The following TMEM61 variants were observed in gnomAD, a reference collection of about 807,000 sequenced individuals.
TMEM61 encodes the protein transmembrane protein 61.
Under a neutral mutation model 12.0 loss-of-function variants are expected in TMEM61, and 13 were observed. That is an observed-to-expected ratio of 1.08 (90% CI 0.70 to 1.72). TMEM61 has a LOEUF of 1.72. TMEM61 is among the 40% of genes most tolerant of loss of function. The pLI is 0.00. For missense variants in TMEM61, 249 were observed against 276.9 expected, an observed-to-expected ratio of 0.90 and a Z score of 0.71; for synonymous variants, 109 against 121.4, an observed-to-expected ratio of 0.90 and a Z score of 0.67.
At chr1:54,981,190 G>T in intron 1 of TMEM61, 110 bp downstream of exon 1, 1 of 1,267,530 alleles carries the variant, frequency 7.9e-7, no homozygotes, top group Non-Finnish European at 1.1e-6. Flanking sequence ...GGTGGGCAGT[G>T]TGGACACCCG....
In TMEM61 at chr1:54,981,035, C is replaced by T. The variant is rs772443618; in HGVS notation, c.-31C>T. 1 of 1,563,084 alleles carries T rather than the reference C, an allele frequency of 6.4e-7. No homozygotes were observed. Among genetic ancestry groups the T allele is most frequent in the Non-Finnish European group, 8.7e-7 (1 of 1,153,024 alleles). ...CTTCACCTGCGCCCGGCTCCCTGCG[C>T]GCCTGGACAGCGCCTGCTGCCCGCC... On this transcript the variant is annotated 5_prime_UTR_variant, in exon 1 of 3. Coordinates refer to ENST00000371268, the MANE Select transcript of TMEM61 (RefSeq NM_182532.3).
intron 1 of TMEM61, among the ~76,000 whole-genome samples, chr1:54,981,996 G>A (rs993249481): frequency 9.2e-5 from 14 of 152,200 alleles, no homozygotes; most frequent in African/African-American, 3.1e-4. Flanking sequence ...ACACTAAGGC[G>A]TGGAGAAGCT....
intron 2 of TMEM61, among the ~76,000 whole-genome samples, chr1:54,987,391 G>A (rs934249821): frequency 3.9e-5 from 6 of 152,024 alleles, no homozygotes; most frequent in Non-Finnish European, 8.8e-5. Context: ...TTCATTATGG[G>A]TCTCCCCACC....
intron 2 of TMEM61, among the ~76,000 whole-genome samples, chr1:54,987,295 A>G (rs1644267294): frequency 6.6e-6 from 1 of 152,232 alleles, no homozygotes; most frequent in Non-Finnish European, 1.5e-5. Context: ...GAAAAGAGGC[A>G]TTTTAGGCAG....
chr1:54,981,324 T>G (rs1644219753), intron 1 of TMEM61, among the ~76,000 whole-genome samples: 1 of 152,164 alleles, frequency 6.6e-6, no homozygotes, highest in South Asian at 2.1e-4. Flanking sequence ...GCATCTAAAG[T>G]GCCCTTATTG....
At chr1:54,989,317 C>T (rs1461207044) in intron 2 of TMEM61, among the ~76,000 whole-genome samples, 2 of 152,174 alleles carry the variant, frequency 1.3e-5, no homozygotes, top group Non-Finnish European at 2.9e-5. Context: ...CAGGCCTCTA[C>T]CCCCCAGGGT....
chr1:54,982,081 G>A (rs540645190), intron 1 of TMEM61, among the ~76,000 whole-genome samples: 3 of 152,258 alleles, frequency 2.0e-5, no homozygotes, highest in Non-Finnish European at 2.9e-5. Context: ...ACAGCCTGCC[G>A]TCTTGCCATC....
intron 2 of TMEM61, 81 bp downstream of exon 2, chr1:54,986,527 AT>A (rs1322181049): frequency 6.6e-6 from 8 of 1,219,842 alleles, no homozygotes; most frequent in Non-Finnish European, 9.2e-6. Context: ...AGCATTTGTA[AT>A]TCCAGCAAAT....
Position 54,986,417 on chromosome 1 carries a change from T to G in TMEM61, c.336T>G (p.Thr112=), listed in dbSNP as rs1475918921. 1 of 1,583,778 alleles carries G rather than the reference T, an allele frequency of 6.3e-7. No homozygotes were observed. Among genetic ancestry groups the G allele is most frequent in the East Asian group, 2.3e-5 (1 of 44,108 alleles). ...TCTCCAGAGACCTGTACTACCTCAC[T>G]GTGGAGTCCTCAGAGAAGGAGAGCT... ...YHLSRDLYYL[T]VESSEKESCR... is the part of the protein sequence containing the mutation. The change falls in exon 2 of 3, where the codon ACT becomes ACG. Residue 112 remains threonine, a synonymous_variant. Transcript: ENST00000371268.
chr1:54,986,831 C>T (rs143217371), intron 2 of TMEM61, among the ~76,000 whole-genome samples: 1 of 152,292 alleles, frequency 6.6e-6, no homozygotes, highest in Non-Finnish European at 1.5e-5. Flanking sequence ...GGTTCTATCA[C>T]AAACTAGCAG....
chr1:54,983,109 G>GTATTTTTTT (rs1644234037), intron 1 of TMEM61, among the ~76,000 whole-genome samples: 1 of 109,522 alleles, frequency 9.1e-6, no homozygotes, highest in South Asian at 3.1e-4. Flanking sequence ...GTTTTGCTTT[G>GTATTTTTTT]TTTTTTTTTT....
intron 2 of TMEM61, 56 bp downstream of exon 2, chr1:54,986,502 A>AC: frequency 2.2e-6 from 3 of 1,359,682 alleles, no homozygotes; most frequent in Non-Finnish European, 3.0e-6. Context: ...GCCCAGTCAC[A>AC]CCAGCCCACC....
Position 54,986,412 on chromosome 1 carries a change from C to A in TMEM61, c.331C>A (p.Leu111Ile). 1.3e-6 allele frequency: 2 copies of A among 1,592,532 alleles called. No homozygotes were observed. Among genetic ancestry groups the A allele is most frequent in the Non-Finnish European group, 8.6e-7 (1 of 1,165,408 alleles). Residue 111 changes from leucine (L) to isoleucine (I), a missense_variant, in exon 2 of 3, where the codon CTC becomes ATC. By Grantham distance (5) the Leu-to-Ile change is conservative. Coordinates refer to ENST00000371268, the MANE Select transcript of TMEM61 (RefSeq NM_182532.3). ...TCACCTCTCCAGAGACCTGTACTAC[C>A]TCACTGTGGAGTCCTCAGAGAAGGA... ...PYHLSRDLYY[L>I]TVESSEKESC...
intron 2 of TMEM61, among the ~76,000 whole-genome samples, chr1:54,991,212 GTGGT>G (rs1368344085): frequency 6.6e-6 from 1 of 152,232 alleles, no homozygotes; most frequent in Non-Finnish European, 1.5e-5. Flanking sequence ...CCCCTGTGGG[GTGGT>G]TTAGTTGGCC....
chr1:54,990,961 T>G (rs931950250), intron 2 of TMEM61, among the ~76,000 whole-genome samples: 4 of 152,162 alleles, frequency 2.6e-5, no homozygotes, highest in African/African-American at 9.7e-5. Flanking sequence ...CCCTCAGTGT[T>G]GGAAGGGACC....
At position 54,992,003 on chromosome 1, in the gene TMEM61, AGAGCATCAGCCTT is replaced by A; in HGVS notation, c.535_547del (p.Ser179LeufsTer32). The A allele has an allele frequency of 6.2e-7, 1 of 1,614,148 alleles. No individual in the cohort carries two copies. Among genetic ancestry groups the A allele is most frequent in the Admixed American group, 1.7e-5 (1 of 60,018 alleles). Reference sequence around the variant, plus strand: ...CCCGCCTGGCCTCCACCCAGCTATGAGAGCATCAGCCTTGCTCTTGATGCCGTTTCTGCGGAGA... The same window carrying A: ...CCCGCCTGGCCTCCACCCAGCTATGAGCTCTTGATGCCGTTTCTGCGGAGA... On this transcript the variant is annotated frameshift_variant, in exon 3 of 3. Coordinates refer to ENST00000371268, the MANE Select transcript of TMEM61 (RefSeq NM_182532.3). LOFTEE classifies it low-confidence loss of function (END_TRUNC).
rs150508118 is a variant in TMEM61, at chr1:54,985,332, G to A, written c.16-765G>A. ...GCTCACTACAACCTCTGCCTCCCAGGTTCAAGTGATTCTCCTGCCTCAGCC... is the reference window on the plus strand; with the variant it reads ...GCTCACTACAACCTCTGCCTCCCAGATTCAAGTGATTCTCCTGCCTCAGCC... On this transcript the variant is annotated intron_variant, in intron 1 of 2. Coordinates refer to ENST00000371268, the MANE Select transcript of TMEM61 (RefSeq NM_182532.3). Among the ~76,000 whole-genome samples the A allele has an allele frequency of 4.2e-4, 64 of 152,232 alleles. 1 individual carries two copies. The East Asian group carries it at 0.011, about 26-fold the overall frequency.
rs1029088001 is a variant in TMEM61, at chr1:54,980,958, G to A, written c.-108G>A. The A allele has an allele frequency of 3.9e-6, 5 of 1,274,474 alleles. No individual in the cohort carries two copies. The highest frequency in any genetic ancestry group is 2.6e-4 in the Middle Eastern group (1 of 3,780). 78.9% of individuals were successfully genotyped at this position (1,274,474 alleles called of 1,614,324 possible). A position where few individuals can be genotyped will look rare whatever the true frequency, so the allele number is the denominator to read the frequency against. On this transcript the variant is annotated 5_prime_UTR_variant, in exon 1 of 3. Transcript: ENST00000371268. ...TAACACCCGCGCCTCCTGCAGACCC[G>A]AGGGTCGCCGCTGGTAGGGTCGCTC...
chr1:54,990,183 G>A (rs576128931), intron 2 of TMEM61, among the ~76,000 whole-genome samples: 3 of 152,218 alleles, frequency 2.0e-5, no homozygotes, highest in Non-Finnish European at 2.9e-5. Flanking sequence ...TCCAGAGAAG[G>A]AAGGGAGGTC....
Sources: gnomAD v4.1 joint callset for allele counts (sites outside exome capture counted in the v4.1 genomes callset) on GRCh38, gnomAD v4.1.1 for gene constraint, MANE v1.5 for transcripts, NCBI Gene and HGNC (gene_info 2026-07-23, HGNC 2026-07-21) for gene names.